The following FGGY variants were observed in gnomAD, a reference collection of about 807,000 sequenced individuals.
The protein encoded by FGGY is FGGY carbohydrate kinase domain containing, also known as FGGY carbohydrate kinase domain-containing protein.
In FGGY, 72 loss-of-function variants were observed where a neutral mutation model predicts 71.3. The ratio of observed to expected loss-of-function variants is 1.01; its 90% CI spans 0.84 to 1.23. The LOEUF is 1.23. Ranked by LOEUF, FGGY falls within the 50% of genes most tolerant of loss-of-function variation. The probability of loss-of-function intolerance (pLI) is 0.00; values close to 1 mark genes in which losing one functional copy is unlikely to be tolerated. For missense variants in FGGY, 668 were observed against 682.3 expected, an observed-to-expected ratio of 0.98 and a Z score of 0.23; for synonymous variants, 251 against 250.3, an observed-to-expected ratio of 1.00 and a Z score of -0.02.
At chr1:59,612,561 A>G (rs1021981340) in intron 9 of FGGY, among the ~76,000 whole-genome samples, 3 of 152,360 alleles carry the variant, frequency 2.0e-5, no homozygotes, top group East Asian at 1.9e-4. Flanking sequence ...TGTAAAGACC[A>G]TCAAGGCTGG....
chr1:59,512,313 A>G lies in FGGY; in HGVS notation c.673A>G (p.Asn225Asp). The G allele has an allele frequency of 6.2e-7, 1 of 1,606,560 alleles. No individual in the cohort carries two copies. Among genetic ancestry groups the G allele is most frequent in the Non-Finnish European group, 8.5e-7 (1 of 1,175,882 alleles). Reference sequence around the variant, plus strand: ...TGTTTTTTCTCATGTCTACCCAGGAAACCAAGTGCTACCTCCTGGAGCTTC... The same window carrying G: ...TGTTTTTTCTCATGTCTACCCAGGAGACCAAGTGCTACCTCCTGGAGCTTC... The part of the protein sequence containing the change: ...FVADNYSKIG[N>D]QVLPPGASLG... The change falls in exon 7 of 16, where the codon AAC (asparagine) becomes GAC (aspartate). Residue 225 changes from asparagine to aspartate, a missense_variant and splice_region_variant. Asn to Asp is a conservative substitution (Grantham distance 23, BLOSUM62 1). Around this residue, in one of 2 missense-constraint regions of FGGY, gnomAD observed 661 missense variants for 661.6 expected, o/e 1.00. Coordinates refer to ENST00000303721, the MANE Select transcript of FGGY (RefSeq NM_018291.5).
At chr1:59,368,246 A>T (rs115648897) in intron 4 of FGGY, among the ~76,000 whole-genome samples, 3,678 of 152,266 alleles carry the variant, frequency 0.024, 164 homozygotes, top group African/African-American at 0.085. Context: ...GAGTTACATG[A>T]GCTGTCCAGG....
At chr1:59,379,641 A>C (rs2059142144) in intron 5 of FGGY, among the ~76,000 whole-genome samples, 1 of 152,138 alleles carries the variant, frequency 6.6e-6, no homozygotes, top group Non-Finnish European at 1.5e-5. Context: ...TTTATTTTAA[A>C]AATTTGTTTA....
chr1:59,624,714 G>A (rs751236644), intron 9 of FGGY, among the ~76,000 whole-genome samples: 10 of 152,106 alleles, frequency 6.6e-5, no homozygotes, highest in Non-Finnish European at 1.5e-4. Flanking sequence ...AACCCCTTAT[G>A]AAACCATCAA....
At chr1:59,485,663 TG>T (rs2093636299) in intron 6 of FGGY, among the ~76,000 whole-genome samples, 1 of 152,198 alleles carries the variant, frequency 6.6e-6, no homozygotes, top group South Asian at 2.1e-4. Context: ...ATAAAAATGG[TG>T]ACTCATAAGG....
At chr1:59,409,779 T>C (rs11576871) in intron 5 of FGGY, among the ~76,000 whole-genome samples, 31,382 of 151,928 alleles carry the variant, frequency 0.21, 3,364 homozygotes, top group East Asian at 0.36. Context: ...TTTGGAAATT[T>C]CCTTCTGGTA....
intron 6 of FGGY, among the ~76,000 whole-genome samples, chr1:59,504,765 CTT>C (rs1287403269): frequency 6.6e-6 from 1 of 152,168 alleles, no homozygotes; most frequent in African/African-American, 2.4e-5. Context: ...AAGAGTTAAA[CTT>C]AATACAGTCT....
intron 14 of FGGY, among the ~76,000 whole-genome samples, chr1:59,741,279 G>A (rs974873007): frequency 1.3e-5 from 2 of 152,056 alleles, no homozygotes; most frequent in African/African-American, 4.8e-5. Context: ...TTGGATTTTG[G>A]GGGTGGAGCT....
chr1:59,464,586 G>A (rs943911392), intron 6 of FGGY, among the ~76,000 whole-genome samples: 1 of 152,058 alleles, frequency 6.6e-6, no homozygotes, highest in Non-Finnish European at 1.5e-5. Flanking sequence ...CTAGGAGCTG[G>A]TTTTTTGAAA....
chr1:59,591,376 A>T (rs2096432867), intron 8 of FGGY, among the ~76,000 whole-genome samples: 1 of 152,198 alleles, frequency 6.6e-6, no homozygotes, highest in South Asian at 2.1e-4. Flanking sequence ...AAGGTAATTT[A>T]TAGATTCAGT....
intron 7 of FGGY, among the ~76,000 whole-genome samples, chr1:59,515,923 T>G (rs940251327): frequency 1.3e-5 from 2 of 152,062 alleles, no homozygotes; most frequent in Admixed American, 6.5e-5. Flanking sequence ...ATAGAATAGT[T>G]TTTTTTTGTT....
At chr1:59,538,918 C>T (rs572630379) in intron 7 of FGGY, among the ~76,000 whole-genome samples, 14 of 151,720 alleles carry the variant, frequency 9.2e-5, no homozygotes, top group South Asian at 6.3e-4. Context: ...GTACGTGCAG[C>T]GCACCAACAT....
intron 2 of FGGY, among the ~76,000 whole-genome samples, chr1:59,336,729 T>TG (rs1178192281): frequency 6.6e-6 from 1 of 151,622 alleles, no homozygotes; most frequent in Non-Finnish European, 1.5e-5. Context: ...CACTTATGAG[T>TG]GAGAACATGC....
intron 6 of FGGY, among the ~76,000 whole-genome samples, chr1:59,482,224 C>T (rs2093496848): frequency 6.6e-6 from 1 of 152,128 alleles, no homozygotes; most frequent in South Asian, 2.1e-4. Flanking sequence ...TTACCAAGAT[C>T]CTTTTATCAC....
At chr1:59,665,490 C>T (rs2097314881) in intron 12 of FGGY, among the ~76,000 whole-genome samples, 1 of 152,052 alleles carries the variant, frequency 6.6e-6, no homozygotes, top group African/African-American at 2.4e-5. Context: ...TATGCCAAAC[C>T]AATTAGGATT....
chr1:59,532,090 T>C (rs2095161253), intron 7 of FGGY, among the ~76,000 whole-genome samples: 1 of 152,204 alleles, frequency 6.6e-6, no homozygotes, highest in South Asian at 2.1e-4. Flanking sequence ...ACATGAACTC[T>C]AACATATCTG....
chr1:59,727,735 G>A (rs2097965329), intron 14 of FGGY, among the ~76,000 whole-genome samples: 1 of 152,132 alleles, frequency 6.6e-6, no homozygotes, highest in African/African-American at 2.4e-5. Context: ...AGCCTGAATA[G>A]CCAAAGCAGT....
At chr1:59,736,722 G>A (rs775904502) in intron 14 of FGGY, among the ~76,000 whole-genome samples, 13 of 152,270 alleles carry the variant, frequency 8.5e-5, no homozygotes, top group Admixed American at 6.5e-4. Context: ...AAAGGAAAAC[G>A]GAGCATGAAA....
intron 8 of FGGY, among the ~76,000 whole-genome samples, chr1:59,584,194 T>G (rs1244295219): frequency 1.5e-4 from 22 of 147,170 alleles, no homozygotes; most frequent in Admixed American, 1.5e-3. Flanking sequence ...TACCAAAGCC[T>G]GGCAGAGACA....
Sources: gnomAD v4.1 joint callset for allele counts (sites outside exome capture counted in the v4.1 genomes callset) on GRCh38, gnomAD v4.1.1 for gene constraint, gnomAD v4.1.1 regional missense constraint, MANE v1.5 for transcripts, NCBI Gene and HGNC (gene_info 2026-07-23, HGNC 2026-07-21) for gene names.